SDHA: variants seen among roughly 807,000 people sequenced by gnomAD.
The protein encoded by SDHA is succinate dehydrogenase [ubiquinone] flavoprotein subunit, mitochondrial.
SDHA carries 48 observed loss-of-function variants against 78.4 expected under a neutral mutation model. The ratio of observed to expected loss-of-function variants is 0.61; its 90% CI spans 0.49 to 0.78. The LOEUF is 0.78. Ranked by LOEUF, SDHA falls within the 30% of genes least tolerant of loss-of-function variation. SDHA has a pLI of 0.00. For missense variants in SDHA, 680 were observed against 892.7 expected, an observed-to-expected ratio of 0.76 and a Z score of 3.04; for synonymous variants, 326 against 353.9, an observed-to-expected ratio of 0.92 and a Z score of 0.88.
intron 10 of SDHA, among the ~76,000 whole-genome samples, chr5:239,984 C>T (rs1477241688): frequency 6.6e-6 from 1 of 152,130 alleles, no homozygotes; most frequent in African/African-American, 2.4e-5. Flanking sequence ...GGCCAGGCTG[C>T]TCTTGAATTC....
At position 256,824 on chromosome 5, in the gene SDHA, T is replaced by TTTC. The variant is rs201772766; in HGVS notation, c.*406_*407insCTT. On this transcript the variant is annotated 3_prime_UTR_variant, in exon 15 of 15. Transcript: ENST00000264932. Reference sequence around the variant, plus strand: ...TTGTATAGTTTCTTTTTTCTTTTTCTTTTCTTTTTTTTTTTTGAGACAGGA... The same window carrying TTTC: ...TTGTATAGTTTCTTTTTTCTTTTTCTTTCTTTCTTTTTTTTTTTTGAGACAGGA... The TTTC allele has an allele frequency of 0.014, 2,310 of 171,084 alleles. 75 individuals are homozygous for TTTC. In the African/African-American group the frequency reaches 0.14, roughly 10 times the overall value. 10.6% of individuals were successfully genotyped at this position (171,084 alleles called of 1,614,324 possible).
At chr5:227,763 C>T (rs1735131263) in intron 5 of SDHA, 1 of 267,534 alleles carries the variant, frequency 3.7e-6, no homozygotes, top group Admixed American at 5.0e-5. Flanking sequence ...GCAGGTGTAG[C>T]TGAAGAGCTG....
intron 1 of SDHA, among the ~76,000 whole-genome samples, chr5:218,839 C>T (rs1478425370): frequency 6.6e-6 from 1 of 152,136 alleles, no homozygotes; most frequent in African/African-American, 2.4e-5. Context: ...TGGGCCTCTG[C>T]CGCCCTCTGT....
chr5:265,238 GGT>G, the SDHA span, among the ~76,000 whole-genome samples: 1 of 152,202 alleles, frequency 6.6e-6, no homozygotes. Flanking sequence ...CTGAGAAAAA[GGT>G]GTAAAACCAT....
intron 11 of SDHA, among the ~76,000 whole-genome samples, chr5:241,014 A>G (rs142659509): frequency 0.029 from 4,390 of 152,180 alleles, 80 homozygotes; most frequent in South Asian, 0.056. Flanking sequence ...GGAGGTAAAC[A>G]GCGGTAGGAC....
chr5:254,922 G>A (rs1293990862), intron 14 of SDHA, among the ~76,000 whole-genome samples: 2 of 152,044 alleles, frequency 1.3e-5, no homozygotes, highest in Admixed American at 1.3e-4. Flanking sequence ...CCTCCCACGG[G>A]CTGGGCCAAC....
chr5:219,181 G>T (rs1734567031), intron 1 of SDHA, among the ~76,000 whole-genome samples: 1 of 152,256 alleles, frequency 6.6e-6, no homozygotes, highest in South Asian at 2.1e-4. Flanking sequence ...GAGGACGCCG[G>T]GACCTGTGCT....
At chr5:226,089 T>C in intron 5 of SDHA, 42 bp downstream of exon 5, 3 of 1,608,692 alleles carry the variant, frequency 1.9e-6, no homozygotes, top group Non-Finnish European at 8.5e-7. Context: ...CACGTAGTGC[T>C]GGGGCTTATG....
intron 1 of SDHA, chr5:220,485 T>G (rs1361180680): frequency 5.4e-6 from 1 of 183,586 alleles, no homozygotes; most frequent in Non-Finnish European, 1.2e-5. Flanking sequence ...AAACCTTTGC[T>G]TTGCTTCTTG....
At chr5:223,681 G>T in intron 2 of SDHA, 113 bp downstream of exon 2, 1 of 733,070 alleles carries the variant, frequency 1.4e-6, no homozygotes, top group Non-Finnish European at 2.5e-6. Context: ...ATTTCTCATA[G>T]GTATCCAATG....
At chr5:223,219 G>T (rs1403400738) in intron 1 of SDHA, among the ~76,000 whole-genome samples, 1 of 152,226 alleles carries the variant, frequency 6.6e-6, no homozygotes, top group Non-Finnish European at 1.5e-5. Flanking sequence ...GAGTCAGTGA[G>T]TATCCTGTTT....
chr5:267,229 G>A, the SDHA span, among the ~76,000 whole-genome samples: 1 of 152,230 alleles, frequency 6.6e-6, no homozygotes, highest in Non-Finnish European at 1.5e-5. Flanking sequence ...AGGAAGATGG[G>A]AGTCACGGGA....
Position 235,170 on chromosome 5 carries a change from T to C in SDHA, c.1091T>C (p.Val364Ala). 1 of 1,614,002 alleles carries C rather than the reference T, an allele frequency of 6.2e-7. No individual in the cohort carries two copies. The highest frequency in any genetic ancestry group is 8.5e-7 in the Non-Finnish European group (1 of 1,179,866). ...GGCTGTGGCCCTGAGAAAGATCACG[T>C]CTACCTGCAGCTGCACCACCTACCT... The part of the protein sequence containing the change: ...GRGCGPEKDH[V>A]YLQLHHLPPE... The change falls in exon 9 of 15, where the codon GTC becomes GCC. Residue 364 changes from valine to alanine, a missense_variant. Transcript: ENST00000264932.
Position 224,372 on chromosome 5 carries a change from T to C in SDHA, c.163T>C (p.Tyr55His), listed in dbSNP as rs142926807. The part of the protein sequence containing the change: ...AKVSDSISAQ[Y>H]PVVDHEFDAV... Reference sequence around the variant, plus strand: ...TTTTCTTTTCCAGATTTCTGCTCAGTATCCAGTAGTGGATCATGAATTTGA... The same window carrying C: ...TTTTCTTTTCCAGATTTCTGCTCAGCATCCAGTAGTGGATCATGAATTTGA... The change falls in exon 3 of 15, where the codon TAT (tyrosine) becomes CAT (histidine). Residue 55 changes from tyrosine to histidine, a missense_variant. By Grantham distance (83) the Tyr-to-His change is moderately conservative. Transcript: ENST00000264932. 7.7e-4 allele frequency: 1,241 copies of C among 1,613,346 alleles called. 12 individuals carry two copies. In the East Asian group the frequency reaches 0.024, roughly 31 times the overall value.
Position 235,023 on chromosome 5 carries a change from G to C in SDHA, c.1065-121G>C, listed in dbSNP as rs185431973. On this transcript the variant is annotated intron_variant, in intron 8 of 14. Transcript: ENST00000264932. Reference sequence around the variant, plus strand: ...ATTTGATGAGAGGGTGACCATACATGAGGGGAAATTTTCCTCAGTATCAAA... The same window carrying C: ...ATTTGATGAGAGGGTGACCATACATCAGGGGAAATTTTCCTCAGTATCAAA... 2.9e-5 allele frequency: 28 copies of C among 970,292 alleles called. No individual in the cohort carries two copies. In the East Asian group the frequency reaches 6.4e-4, roughly 22 times the overall value. 60.1% of individuals were successfully genotyped at this position (970,292 alleles called of 1,614,324 possible).
At chr5:230,829 C>T in intron 6 of SDHA, 47 bp from the exon 7 acceptor site, 1 of 1,613,566 alleles carries the variant, frequency 6.2e-7, no homozygotes, top group Non-Finnish European at 8.5e-7. Context: ...GATAGGAGGT[C>T]CAGATGTGGG....
chr5:225,355 T>A lies in SDHA; in HGVS notation c.313-64T>A, dbSNP rs1734946392. The A allele has an allele frequency of 5.6e-6, 9 of 1,609,478 alleles. No homozygotes were observed. The South Asian group carries it at 8.8e-5, about 16-fold the overall frequency. ...TCTGAATCCCCCCAGCGGGTGGATT[T>A]GGGCCTGGAAGACAAAGTTGGCGCT... On this transcript the variant is annotated intron_variant, in intron 3 of 14. Coordinates refer to ENST00000264932, the MANE Select transcript of SDHA (RefSeq NM_004168.4).
chr5:226,190 C>T (rs750447329), intron 5 of SDHA, 143 bp downstream of exon 5: 12 of 924,366 alleles, frequency 1.3e-5, no homozygotes, highest in South Asian at 4.3e-5. Context: ...GCGCATGCAG[C>T]GACTGTGGAT....
rs1245387180 is a variant in SDHA, at chr5:233,620, A to G, written c.1039A>G (p.Met347Val). 2 of 1,614,050 alleles carry G rather than the reference A, an allele frequency of 1.2e-6. No individual in the cohort carries two copies. Among genetic ancestry groups the G allele is most frequent in the Non-Finnish European group, 8.5e-7 (1 of 1,179,936 alleles). Residue 347 changes from methionine (M) to valine (V), a missense_variant, in exon 8 of 15, where the codon ATG (methionine) becomes GTG (valine). Transcript: ENST00000264932. ...GTCTAGAGATGTGGTGTCTCGGTCC[A>G]TGACTCTGGAGATCCGAGAAGGAAG... ...LASRDVVSRS[M>V]TLEIREGRGC...
Sources: gnomAD v4.1 joint callset for allele counts (sites outside exome capture counted in the v4.1 genomes callset) on GRCh38, gnomAD v4.1.1 for gene constraint, MANE v1.5 for transcripts, NCBI Gene and HGNC (gene_info 2026-07-23, HGNC 2026-07-21) for gene names.